The following ADARB2 variants were observed in gnomAD, a reference collection of about 807,000 sequenced individuals.
ADARB2 encodes inactive double-stranded RNA-specific editase B2.
Under a neutral mutation model 62.2 loss-of-function variants are expected in ADARB2, and 25 were observed. The observed-to-expected ratio is 0.40, with a 90% CI of 0.29 to 0.56. The LOEUF (loss-of-function observed/expected upper bound fraction) is 0.56, where lower values mean the gene tolerates loss of function less well. Among genes scored for constraint, ADARB2 ranks in the 20% least tolerant of loss-of-function variants. The probability of loss-of-function intolerance (pLI) is 0.43; values close to 1 mark genes in which losing one functional copy is unlikely to be tolerated. For missense variants in ADARB2, 1,071 were observed against 1,077.4 expected (o/e 0.99, Z 0.08); for synonymous variants, 572 against 500.8 (o/e 1.14, Z -1.90).
chr10:1,510,136 CTT>C (rs1331278441), intron 1 of ADARB2, among the ~76,000 whole-genome samples: 1 of 126,944 alleles, frequency 7.9e-6, no homozygotes, highest in Non-Finnish European at 1.6e-5. Context: ...TTCTTTCTTT[CTT>C]TCTTTCTTTC....
At chr10:1,506,945 C>T (rs528618627) in intron 1 of ADARB2, among the ~76,000 whole-genome samples, 3 of 152,294 alleles carry the variant, frequency 2.0e-5, no homozygotes, top group South Asian at 2.1e-4. Flanking sequence ...GGCTGCAGGT[C>T]GGAGGCCAGG....
chr10:1,578,153 A>T (rs962196061), intron 1 of ADARB2, among the ~76,000 whole-genome samples: 2 of 152,156 alleles, frequency 1.3e-5, no homozygotes, highest in African/African-American at 4.8e-5. Context: ...ACCCCATAGG[A>T]TGGAAATTTG....
chr10:1,270,934 AG>A lies in ADARB2; in HGVS notation c.1192+20del. The stretch of plus-strand genomic sequence containing the variant: ...TTTCTTTAGAGATGAAAATGCCCAC[AG>A]GAAAAGAGGAGGTGGCTACCTTTGG... On this transcript the variant is annotated intron_variant, in intron 4 of 9. Coordinates refer to ENST00000381312, the MANE Select transcript of ADARB2 (RefSeq NM_018702.4). The A allele has an allele frequency of 6.2e-7, 1 of 1,606,284 alleles. No individual in the cohort carries two copies. Among genetic ancestry groups the A allele is most frequent in the South Asian group, 1.1e-5 (1 of 90,308 alleles).
chr10:1,596,372 G>A (rs1463874535), intron 1 of ADARB2, among the ~76,000 whole-genome samples: 1 of 152,198 alleles, frequency 6.6e-6, no homozygotes. Context: ...CCATGAAGAG[G>A]GATCCTTTTG....
intron 1 of ADARB2, among the ~76,000 whole-genome samples, chr10:1,497,608 C>T (rs1188209345): frequency 6.6e-6 from 1 of 152,038 alleles, no homozygotes; most frequent in East Asian, 1.9e-4. Flanking sequence ...TATATATGTA[C>T]ACACACACAG....
chr10:1,521,401 G>A (rs897854336), intron 1 of ADARB2, among the ~76,000 whole-genome samples: 7 of 152,168 alleles, frequency 4.6e-5, no homozygotes, highest in Non-Finnish European at 1.0e-4. Context: ...TATTCCCTAT[G>A]TAAACCAAAA....
At chr10:1,337,224 G>C (rs1178794716) in intron 3 of ADARB2, among the ~76,000 whole-genome samples, 2 of 151,980 alleles carry the variant, frequency 1.3e-5, no homozygotes, top group African/African-American at 4.8e-5. Context: ...TTAAATTTTT[G>C]GGCCAAATAA....
At chr10:1,596,836 A>T (rs148406625) in intron 1 of ADARB2, among the ~76,000 whole-genome samples, 1 of 152,258 alleles carries the variant, frequency 6.6e-6, no homozygotes, top group Non-Finnish European at 1.5e-5. Flanking sequence ...CAGGAGGGAG[A>T]GTGGGAGCAA....
intron 1 of ADARB2, among the ~76,000 whole-genome samples, chr10:1,544,956 T>TACACACACACACACAC (rs1554770300): frequency 0.087 from 11,707 of 133,814 alleles, 659 homozygotes; most frequent in East Asian, 0.17. Context: ...TAGCAAAGTA[T>TACACACACACACACAC]ACACACACAC....
At chr10:1,608,007 T>G (rs933796003) in intron 1 of ADARB2, among the ~76,000 whole-genome samples, 1 of 152,152 alleles carries the variant, frequency 6.6e-6, no homozygotes, top group Non-Finnish European at 1.5e-5. Flanking sequence ...CCCTGTCCCA[T>G]GGGGGGCCAA....
chr10:1,627,092 A>G (rs1833779967), intron 1 of ADARB2, among the ~76,000 whole-genome samples: 1 of 151,876 alleles, frequency 6.6e-6, no homozygotes, highest in Non-Finnish European at 1.5e-5. Context: ...AGGCTCACAC[A>G]TCAGTCACCC....
chr10:1,319,856 A>G (rs576531308), intron 3 of ADARB2, among the ~76,000 whole-genome samples: 29 of 152,210 alleles, frequency 1.9e-4, no homozygotes, highest in Non-Finnish European at 4.0e-4. Flanking sequence ...TCTTTTCCTT[A>G]TGAATATAAA....
At chr10:1,386,233 G>A (rs1372610602) in intron 1 of ADARB2, among the ~76,000 whole-genome samples, 7 of 151,806 alleles carry the variant, frequency 4.6e-5, no homozygotes, top group Non-Finnish European at 8.8e-5. Context: ...AGATTGATTT[G>A]TTGAAAAAGG....
chr10:1,404,685 T>C (rs776023213), intron 1 of ADARB2, among the ~76,000 whole-genome samples: 2 of 152,174 alleles, frequency 1.3e-5, no homozygotes, highest in African/African-American at 4.8e-5. Context: ...CTCAGAGACC[T>C]GTAAGCTCGC....
chr10:1,200,789 G>A (rs1211535187), intron 7 of ADARB2, among the ~76,000 whole-genome samples: 1 of 152,184 alleles, frequency 6.6e-6, no homozygotes, highest in Non-Finnish European at 1.5e-5. Flanking sequence ...GAGGTTCCAT[G>A]TGTGTGTTTT....
At chr10:1,669,512 A>G (rs1834354374) in intron 1 of ADARB2, among the ~76,000 whole-genome samples, 1 of 151,988 alleles carries the variant, frequency 6.6e-6, no homozygotes, top group South Asian at 2.1e-4. Context: ...ACAGCTAGAC[A>G]CACAGACACA....
intron 1 of ADARB2, among the ~76,000 whole-genome samples, chr10:1,563,722 T>G (rs1373450062): frequency 6.7e-6 from 1 of 150,186 alleles, no homozygotes; most frequent in Non-Finnish European, 1.5e-5. Context: ...GCTGGTGCAC[T>G]GCACCCACTA....
At chr10:1,268,473 T>TC (rs34171647) in intron 4 of ADARB2, among the ~76,000 whole-genome samples, 55,599 of 152,030 alleles carry the variant, frequency 0.37, 10,396 homozygotes, top group South Asian at 0.53. Context: ...TGAGTTGGCA[T>TC]CCCATCCACA....
intron 6 of ADARB2, among the ~76,000 whole-genome samples, chr10:1,219,052 A>G (rs1238298568): frequency 2.3e-5 from 2 of 85,740 alleles, no homozygotes; most frequent in African/African-American, 9.4e-5. Flanking sequence ...TACGTCTCAA[A>G]AAAAAAAAAA....
Sources: allele counts gnomAD v4.1 joint callset (sites outside exome capture counted in the v4.1 genomes callset), GRCh38; gene constraint gnomAD v4.1.1; transcripts MANE v1.5; gene names NCBI Gene and HGNC (gene_info 2026-07-23, HGNC 2026-07-21).